The following FGFR2 variants were observed in gnomAD, a reference collection of about 807,000 sequenced individuals.
The protein encoded by FGFR2 is BEK fibroblast growth factor receptor.
Under a neutral mutation model 95.9 loss-of-function variants are expected in FGFR2, and 19 were observed. That is an observed-to-expected ratio of 0.20 (90% CI 0.14 to 0.29). The LOEUF (loss-of-function observed/expected upper bound fraction) is 0.29, where lower values mean the gene tolerates loss of function less well. FGFR2 is among the 10% of genes least tolerant of loss of function. FGFR2 has a pLI of 1.00. For missense variants in FGFR2, 707 were observed against 1,056.9 expected (o/e 0.67, Z 4.59); for synonymous variants, 392 against 393.3 (o/e 1.00, Z 0.04).
In FGFR2 at chr10:121,523,351, G is replaced by A. The variant is rs143449723; in HGVS notation, c.749-3182C>T. 2.3e-3 allele frequency among the ~76,000 whole-genome samples: 351 copies of A among 152,284 alleles called. 1 individual carries two copies. Among genetic ancestry groups the A allele is most frequent in the African/African-American group, 8.2e-3 (341 of 41,568 alleles). ...GGCTCATACAATGACCCAGGGATGGGCCCCAGCAAGCCTCCTGGTCAGGCC... is the reference window on the plus strand; with the variant it reads ...GGCTCATACAATGACCCAGGGATGGACCCCAGCAAGCCTCCTGGTCAGGCC... On this transcript the variant is annotated intron_variant, in intron 6 of 17. Transcript: ENST00000358487.
intron 4 of FGFR2, among the ~76,000 whole-genome samples, chr10:121,560,572 A>G (rs1380686076): frequency 9.3e-5 from 12 of 129,212 alleles, no homozygotes; most frequent in Non-Finnish European, 1.7e-4. Context: ...CCGAGATAGC[A>G]CCACTGCACT....
Position 121,551,434 on chromosome 10 carries a change from T to C in FGFR2, c.480A>G (p.Glu160=). 3.7e-6 allele frequency: 6 copies of C among 1,614,172 alleles called. No homozygotes were observed. The highest frequency in any genetic ancestry group is 5.1e-6 in the Non-Finnish European group (6 of 1,180,024). Residue 160 remains glutamate (E), a synonymous_variant, in exon 5 of 18, where the codon GAA becomes GAG. Coordinates refer to ENST00000358487, the MANE Select transcript of FGFR2 (RefSeq NM_000141.5). ...NKRAPYWTNT[E]KMEKRLHAVP... is the part of the protein sequence containing the mutation. ...CAGCATGGAGCCGCTTTTCCATCTT[T>C]TCTGTGTTGGTCCAGTATGGTGCTC... is the stretch of plus-strand genomic sequence containing the variant.
intron 2 of FGFR2, among the ~76,000 whole-genome samples, chr10:121,572,886 A>G (rs963012991): frequency 1.3e-5 from 2 of 152,194 alleles, no homozygotes; most frequent in Non-Finnish European, 2.9e-5. Context: ...CTATAAGTAA[A>G]CAGAGAGAAA....
chr10:121,525,747 C>T (rs2134404081), intron 6 of FGFR2, among the ~76,000 whole-genome samples: 1 of 152,234 alleles, frequency 6.6e-6, no homozygotes, highest in East Asian at 1.9e-4. Flanking sequence ...TATGTTTGCT[C>T]ATAAGAGATC....
At chr10:121,587,304 C>T (rs1286657475) in intron 2 of FGFR2, among the ~76,000 whole-genome samples, 1 of 152,062 alleles carries the variant, frequency 6.6e-6, no homozygotes, top group East Asian at 1.9e-4. Context: ...TATAAAACCC[C>T]GGAAGACAAC....
Position 121,538,726 on chromosome 10 carries a change from C to T in FGFR2, c.625-11G>A. The T allele has an allele frequency of 6.2e-7, 1 of 1,614,096 alleles. No individual in the cohort carries two copies. Among genetic ancestry groups the T allele is most frequent in the Non-Finnish European group, 8.5e-7 (1 of 1,180,008 alleles). ...GTGCTGGTTTCGTACCTGAAAAGATCAAAGCAAAGGCGGTTATTTAACAAT... is the reference window on the plus strand; with the variant it reads ...GTGCTGGTTTCGTACCTGAAAAGATTAAAGCAAAGGCGGTTATTTAACAAT... On this transcript the variant is annotated splice_polypyrimidine_tract_variant and intron_variant, in intron 5 of 17. Coordinates refer to ENST00000358487, the MANE Select transcript of FGFR2 (RefSeq NM_000141.5).
At position 121,503,800 on chromosome 10, in the gene FGFR2, G is replaced by T. The variant is rs752644307; in HGVS notation, c.1429C>A (p.Pro477Thr). ...ELPEDPKWEFPRDKLTLGKPL... is the reference protein window; with the variant it reads ...ELPEDPKWEFTRDKLTLGKPL... ...AAGAGAAGTACTCACTTATCTCTTGGAAACTCCCATTTTGGGTCCTCTGGA... is the reference window on the plus strand; with the variant it reads ...AAGAGAAGTACTCACTTATCTCTTGTAAACTCCCATTTTGGGTCCTCTGGA... Residue 477 changes from proline to threonine, a missense_variant, in exon 10 of 18, where the codon CCA becomes ACA. Around this residue, in one of 7 missense-constraint regions of FGFR2, gnomAD observed 194 missense variants for 267.3 expected, o/e 0.73. Coordinates refer to ENST00000358487, the MANE Select transcript of FGFR2 (RefSeq NM_000141.5). The T allele has an allele frequency of 2.5e-6, 4 of 1,614,078 alleles. No homozygotes were observed. The highest frequency in any genetic ancestry group is 1.1e-5 in the South Asian group (1 of 91,062).
At chr10:121,571,278 AGCCACCGT>A (rs1858652090) in intron 2 of FGFR2, among the ~76,000 whole-genome samples, 1 of 127,586 alleles carries the variant, frequency 7.8e-6, no homozygotes, top group South Asian at 2.7e-4. Flanking sequence ...TACAGGCGTG[AGCCACCGT>A]GCCTGGCCTT....
In FGFR2 at chr10:121,498,477, G is replaced by GT. The variant is rs756096410; in HGVS notation, c.1672+17dup. On this transcript the variant is annotated intron_variant, in intron 12 of 17. Coordinates refer to ENST00000358487, the MANE Select transcript of FGFR2 (RefSeq NM_000141.5). ...ACTGCAGAGTATTTGGGCGAATGCA[G>GT]TTTTTCCTCCTACTCACCATCCTGT... 6.6e-7 allele frequency: 1 copy of GT among 1,523,302 alleles called. No individual in the cohort carries two copies. Among genetic ancestry groups the GT allele is most frequent in the Admixed American group, 1.7e-5 (1 of 59,918 alleles). The allele number at this position is 1,523,302 out of a possible 1,614,324, so 94.4% of individuals were successfully genotyped here.
chr10:121,536,898 T>C (rs1193836267), intron 6 of FGFR2, among the ~76,000 whole-genome samples: 1 of 152,144 alleles, frequency 6.6e-6, no homozygotes, highest in South Asian at 2.1e-4. Context: ...ATTAGGTATT[T>C]AGAACATTTA....
rs1409347059 is a variant in FGFR2, at chr10:121,518,377, T to A, written c.940-914A>T. Among the ~76,000 whole-genome samples the A allele has an allele frequency of 6.6e-6, 1 of 152,186 alleles. No individual in the cohort carries two copies. The highest frequency in any genetic ancestry group is 1.5e-5 in the Non-Finnish European group (1 of 68,040). ...AAGCGTGTGTTTTAAATGGTGTTAATGTGCAGTAATGATGGGAAATGTGCA... is the reference window on the plus strand; with the variant it reads ...AAGCGTGTGTTTTAAATGGTGTTAAAGTGCAGTAATGATGGGAAATGTGCA... On this transcript the variant is annotated intron_variant, in intron 7 of 17. Coordinates refer to ENST00000358487, the MANE Select transcript of FGFR2 (RefSeq NM_000141.5). This position sits in a 1 kb window ranked among gnomAD's most constrained non-coding sequence, Gnocchi z 4.0.
intron 2 of FGFR2, among the ~76,000 whole-genome samples, chr10:121,588,570 G>A (rs1240754251): frequency 4.0e-5 from 6 of 151,890 alleles, no homozygotes; most frequent in Admixed American, 3.3e-4. Flanking sequence ...AAATCTCATG[G>A]GATACAGCAA....
At chr10:121,490,752 A>C (rs1040091892) in intron 13 of FGFR2, among the ~76,000 whole-genome samples, 7 of 152,206 alleles carry the variant, frequency 4.6e-5, no homozygotes, top group African/African-American at 1.7e-4. Flanking sequence ...CAATTAAAAA[A>C]GGGGCAAGCT....
rs1379156460 is a variant in FGFR2, at chr10:121,511,458, C to A, written c.1287+3659G>T. Among the ~76,000 whole-genome samples the A allele has an allele frequency of 2.6e-5, 4 of 152,178 alleles. No individual in the cohort carries two copies. In the South Asian group the frequency reaches 6.2e-4, roughly 24 times the overall value. ...CCACCCCTACACCTTCCCCCACCAC[C>A]CAATTGATGTGTGGAAAACACAGAA... On this transcript the variant is annotated intron_variant, in intron 9 of 17. Coordinates refer to ENST00000358487, the MANE Select transcript of FGFR2 (RefSeq NM_000141.5).
At chr10:121,587,648 A>G (rs1266314805) in intron 2 of FGFR2, among the ~76,000 whole-genome samples, 3 of 152,248 alleles carry the variant, frequency 2.0e-5, no homozygotes, top group Admixed American at 2.0e-4. Context: ...CATATGAAAA[A>G]AAAAGCTCAT....
intron 16 of FGFR2, 148 bp from the exon 17 acceptor site, chr10:121,483,951 C>A (rs535058840): frequency 6.0e-6 from 4 of 669,238 alleles, no homozygotes; most frequent in South Asian, 5.2e-5. Context: ...TCATGAATCA[C>A]TTTCCCAAAA....
intron 6 of FGFR2, among the ~76,000 whole-genome samples, chr10:121,524,280 TC>T (rs2134381386): frequency 6.6e-6 from 1 of 152,054 alleles, no homozygotes; most frequent in African/African-American, 2.4e-5. Context: ...CCACCTCCAC[TC>T]CCCCTCCGCC....
At position 121,515,205 on chromosome 10, in the gene FGFR2, AT is replaced by A; in HGVS notation, c.1198del (p.Met400Ter). The A allele has an allele frequency of 6.2e-7, 1 of 1,614,146 alleles. No homozygotes were observed. Among genetic ancestry groups the A allele is most frequent in the Non-Finnish European group, 8.5e-7 (1 of 1,180,022 alleles). ...GTCTGGCTTCTTGGTCGTGTTCTTC[AT>A]TCGGCACAGGATGACTGTTACCACC... Reference protein sequence around the residue: ...CMVVTVILCRMKNTTKKPDFS... With the variant: ...CMVVTVILCRXKNTTKKPDFS... On this transcript the variant is annotated frameshift_variant, in exon 9 of 18. Transcript: ENST00000358487. LOFTEE classifies it high-confidence loss of function.
At chr10:121,560,916 G>T (rs1427427361) in intron 4 of FGFR2, among the ~76,000 whole-genome samples, 1 of 152,098 alleles carries the variant, frequency 6.6e-6, no homozygotes, top group African/African-American at 2.4e-5. Flanking sequence ...TCTGCATTTC[G>T]AGGGAGTTCT....
Sources: gnomAD v4.1 joint callset for allele counts (sites outside exome capture counted in the v4.1 genomes callset) on GRCh38, gnomAD v4.1.1 for gene constraint, gnomAD v4.1.1 regional missense constraint, Gnocchi (gnomAD v3.1) non-coding constraint, MANE v1.5 for transcripts, NCBI Gene and HGNC (gene_info 2026-07-23, HGNC 2026-07-21) for gene names.